The following ARHGAP1 variants were observed in gnomAD, a reference collection of about 807,000 sequenced individuals.
ARHGAP1 encodes Rho GTPase activating protein 1.
ARHGAP1 carries 23 observed loss-of-function variants against 52.2 expected under a neutral mutation model. The ratio of observed to expected loss-of-function variants is 0.44; its 90% CI spans 0.32 to 0.62. The LOEUF (loss-of-function observed/expected upper bound fraction) is 0.62, where lower values mean the gene tolerates loss of function less well. Among genes scored for constraint, ARHGAP1 ranks in the 20% least tolerant of loss-of-function variants. ARHGAP1 has a pLI of 0.05. For synonymous variants in ARHGAP1, 210 were observed against 228.4 expected (o/e 0.92, Z 0.73); for missense variants, 480 against 560.9 (o/e 0.86, Z 1.46).
At chr11:46,691,350 T>C (rs912293384) in intron 3 of ARHGAP1, among the ~76,000 whole-genome samples, 11 of 152,082 alleles carry the variant, frequency 7.2e-5, no homozygotes, top group Non-Finnish European at 4.4e-5. Flanking sequence ...TGTGGAGTGA[T>C]CTGGGCTCAC....
In ARHGAP1 at chr11:46,679,471, A is replaced by G. The variant is rs1041273028; in HGVS notation, c.1028-3T>C. 6.8e-6 allele frequency: 11 copies of G among 1,613,472 alleles called. No individual in the cohort carries two copies. The highest frequency in any genetic ancestry group is 2.2e-5 in the South Asian group (2 of 91,076). On this transcript the variant is annotated splice_region_variant and splice_polypyrimidine_tract_variant and intron_variant, in intron 11 of 12. Coordinates refer to ENST00000311956, the MANE Select transcript of ARHGAP1 (RefSeq NM_004308.5). The surrounding 1 kb of genome is among the most constrained non-coding windows in gnomAD (Gnocchi z 4.4). Reference sequence around the variant, plus strand: ...CACCCTCTGGCTTTCATCAATGTCTATGAGGAAAGGAGGCCCGGGTTATAG... The same window carrying G: ...CACCCTCTGGCTTTCATCAATGTCTGTGAGGAAAGGAGGCCCGGGTTATAG...
In ARHGAP1 at chr11:46,683,037, C is replaced by CTTT. The variant is rs66603634; in HGVS notation, c.318-858_318-856dup. The stretch of plus-strand genomic sequence containing the variant: ...GTGAAGTGTCTAACACCAAAGCCTG[C>CTTT]TTTTTTTTTTTTTTTTTTTTTGAGA... On this transcript the variant is annotated intron_variant, in intron 4 of 12. Coordinates refer to ENST00000311956, the MANE Select transcript of ARHGAP1 (RefSeq NM_004308.5). Among the ~76,000 whole-genome samples the CTTT allele has an allele frequency of 1.1e-3, 124 of 108,688 alleles. 1 individual carries two copies. The highest frequency in any genetic ancestry group is 1.4e-3 in the Non-Finnish European group (82 of 56,966). 71.3% of individuals were successfully genotyped at this position (108,688 alleles called of 152,430 possible).
chr11:46,695,753 C>A lies in ARHGAP1; in HGVS notation c.136G>T (p.Asp46Tyr). Reference protein sequence around the residue: ...DEMPDFPKSDDSKSSSPELVT... With the variant: ...DEMPDFPKSDYSKSSSPELVT... ...AGTTCCGGGGAGCTGCTTTTGGAGT[C>A]ATCTGAGGAACACAGCAGGGTCAGG... The change falls in exon 3 of 13, where the codon GAC becomes TAC. Residue 46 changes from aspartate to tyrosine, a missense_variant and splice_region_variant. Asp to Tyr is a radical substitution (Grantham distance 160). Coordinates refer to ENST00000311956, the MANE Select transcript of ARHGAP1 (RefSeq NM_004308.5). The A allele has an allele frequency of 6.4e-7, 1 of 1,552,552 alleles. No homozygotes were observed. Among genetic ancestry groups the A allele is most frequent in the South Asian group, 1.2e-5 (1 of 84,220 alleles).
chr11:46,696,262 C>G lies in ARHGAP1; in HGVS notation c.-49-106G>C. 1.4e-6 allele frequency: 1 copy of G among 738,916 alleles called. No homozygotes were observed. Among genetic ancestry groups the G allele is most frequent in the East Asian group, 2.7e-5 (1 of 36,576 alleles). The allele number at this position is 738,916 out of a possible 1,614,324, so 45.8% of individuals were successfully genotyped here. On this transcript the variant is annotated intron_variant, in intron 1 of 12. Transcript: ENST00000311956. This position sits in a 1 kb window ranked among gnomAD's most constrained non-coding sequence, Gnocchi z 4.8. ...CCCACCATTCCCTCTCCCAGGCTCCCTGTCCCTATTCCTCAACACTCCTCA... is the reference window on the plus strand; with the variant it reads ...CCCACCATTCCCTCTCCCAGGCTCCGTGTCCCTATTCCTCAACACTCCTCA...
chr11:46,684,239 A>C (rs1450418899), intron 4 of ARHGAP1, among the ~76,000 whole-genome samples: 2 of 152,264 alleles, frequency 1.3e-5, no homozygotes, highest in African/African-American at 4.8e-5. Flanking sequence ...GAGCTGTCGC[A>C]TAAAGAGATT....
At position 46,680,907 on chromosome 11, in the gene ARHGAP1, G is replaced by A. The variant is rs1017394282; in HGVS notation, c.635+104C>T. 37 of 1,176,360 alleles carry A rather than the reference G, an allele frequency of 3.1e-5. No individual in the cohort carries two copies. In the African/African-American group the frequency reaches 3.8e-4, roughly 12 times the overall value. 72.9% of individuals were successfully genotyped at this position (1,176,360 alleles called of 1,614,324 possible). A position where few individuals can be genotyped will look rare whatever the true frequency, so the allele number is the denominator to read the frequency against. ...AGAAAGCAAAGACCTGGGAGAGGTC[G>A]GGACACGGGCTTGCTCTGCCTAAGC... On this transcript the variant is annotated intron_variant, in intron 7 of 12. Transcript: ENST00000311956. This position sits in a 1 kb window ranked among gnomAD's most constrained non-coding sequence, Gnocchi z 5.9.
chr11:46,694,078 G>A (rs889845770), intron 3 of ARHGAP1, among the ~76,000 whole-genome samples: 4 of 152,058 alleles, frequency 2.6e-5, no homozygotes, highest in Non-Finnish European at 4.4e-5. Flanking sequence ...TGAGTGCCTG[G>A]TGATGCCAAT....
In ARHGAP1 at chr11:46,688,220, G is replaced by A. The variant is rs373160179; in HGVS notation, c.270C>T (p.Ala90=). ...GCTGGTGGCTGGGGGGCATTCGACA[G>A]GCACTAAACACAATGATCTTCCGCC... ...KYGRKIIVFS[A]CRMPPSHQLD... The change falls in exon 4 of 13, where the codon GCC becomes GCT. Residue 90 remains alanine, a synonymous_variant. Transcript: ENST00000311956. The A allele has an allele frequency of 1.9e-6, 3 of 1,613,984 alleles. No homozygotes were observed. Among genetic ancestry groups the A allele is most frequent in the African/African-American group, 2.7e-5 (2 of 74,938 alleles).
chr11:46,680,983 G>T lies in ARHGAP1; in HGVS notation c.635+28C>A. The T allele has an allele frequency of 2.5e-6, 4 of 1,601,108 alleles. No homozygotes were observed. Among genetic ancestry groups the T allele is most frequent in the Non-Finnish European group, 3.4e-6 (4 of 1,169,936 alleles). ...CACGTCCTCATTACCCTGGCTTCAC[G>T]AGCCCCCAGCCGCCGCACCCGCCTC... On this transcript the variant is annotated intron_variant, in intron 7 of 12. Transcript: ENST00000311956. The surrounding 1 kb of genome is among the most constrained non-coding windows in gnomAD (Gnocchi z 5.9).
chr11:46,699,698 G>A (rs1236038586), intron 1 of ARHGAP1, among the ~76,000 whole-genome samples: 2 of 149,530 alleles, frequency 1.3e-5, no homozygotes, highest in South Asian at 2.1e-4. Context: ...GTGAGACTCC[G>A]TCTAAAAAAA....
At position 46,679,975 on chromosome 11, in the gene ARHGAP1, G is replaced by A. The variant is rs988633125; in HGVS notation, c.899-199C>T. ...CCGGCCATCTGGGGAAGTGGGGCCCGGCACACCCCACCGTTATTCCTTGCC... is the reference window on the plus strand; with the variant it reads ...CCGGCCATCTGGGGAAGTGGGGCCCAGCACACCCCACCGTTATTCCTTGCC... On this transcript the variant is annotated intron_variant, in intron 10 of 12. Coordinates refer to ENST00000311956, the MANE Select transcript of ARHGAP1 (RefSeq NM_004308.5). The surrounding 1 kb of genome is among the most constrained non-coding windows in gnomAD (Gnocchi z 4.4). 69 of 1,045,144 alleles carry A rather than the reference G, an allele frequency of 6.6e-5. No homozygotes were observed. Among genetic ancestry groups the A allele is most frequent in the South Asian group, 5.6e-4 (35 of 62,032 alleles). The allele number at this position is 1,045,144 out of a possible 1,614,324, so 64.7% of individuals were successfully genotyped here.
chr11:46,693,374 C>G (rs1223498341), intron 3 of ARHGAP1, among the ~76,000 whole-genome samples: 1 of 150,746 alleles, frequency 6.6e-6, no homozygotes, highest in African/African-American at 2.4e-5. Context: ...TGGACTGTGA[C>G]CAGTTTTAAG....
At position 46,681,414 on chromosome 11, in the gene ARHGAP1, G is replaced by C; in HGVS notation, c.450-35C>G. 6.6e-7 allele frequency: 1 copy of C among 1,518,298 alleles called. No individual in the cohort carries two copies. The highest frequency in any genetic ancestry group is 1.7e-5 in the Admixed American group (1 of 59,808). The allele number at this position is 1,518,298 out of a possible 1,614,324, so 94.1% of individuals were successfully genotyped here. A position where few individuals can be genotyped will look rare whatever the true frequency, so the allele number is the denominator to read the frequency against. ...CAGAATGGACAACTCAGGAGCAGGC[G>C]TGGTGGGACAGGTGCCACGCTAGGG... is the stretch of plus-strand genomic sequence containing the variant. On this transcript the variant is annotated intron_variant, in intron 5 of 12. Coordinates refer to ENST00000311956, the MANE Select transcript of ARHGAP1 (RefSeq NM_004308.5). This position sits in a 1 kb window ranked among gnomAD's most constrained non-coding sequence, Gnocchi z 5.7.
intron 1 of ARHGAP1, among the ~76,000 whole-genome samples, chr11:46,698,777 C>T (rs558048580): frequency 6.6e-6 from 1 of 152,154 alleles, no homozygotes; most frequent in East Asian, 1.9e-4. Context: ...ACATAACCTC[C>T]TTTCCCAGCA....
chr11:46,680,214 A>G lies in ARHGAP1; in HGVS notation c.889T>C (p.Tyr297His). The G allele has an allele frequency of 1.2e-6, 2 of 1,614,086 alleles. No individual in the cohort carries two copies. Among genetic ancestry groups the G allele is most frequent in the Non-Finnish European group, 1.7e-6 (2 of 1,180,022 alleles). ...GCCCAGGGCTGCTCACCCATGTTGT[A>G]CTTCTGCTGCACTTCCCGGACCACT... ...TQVVREVQQK[Y>H]NMGLPVDFDQ... Residue 297 changes from tyrosine to histidine, a missense_variant, in exon 10 of 13, where the codon TAC (tyrosine) becomes CAC (histidine). Tyr to His is a moderately conservative substitution (Grantham distance 83, BLOSUM62 2). Transcript: ENST00000311956. This position sits in a 1 kb window ranked among gnomAD's most constrained non-coding sequence, Gnocchi z 5.9.
Position 46,698,467 on chromosome 11 carries a change from G to T in ARHGAP1, c.-50+2084C>A, listed in dbSNP as rs570950495. ...AAGTACAAAAAAAAAAAATAGCCAG[G>T]CATGGTGGTGGGTGCCTGTAATCCC... On this transcript the variant is annotated intron_variant, in intron 1 of 12. Transcript: ENST00000311956. Among the ~76,000 whole-genome samples, 4 of 152,048 alleles carry T rather than the reference G, an allele frequency of 2.6e-5. No individual in the cohort carries two copies. The South Asian group carries it at 8.3e-4, about 32-fold the overall frequency.
intron 4 of ARHGAP1, chr11:46,687,109 T>A (rs2064575620): frequency 6.6e-6 from 1 of 152,288 alleles, no homozygotes; most frequent in Non-Finnish European, 1.5e-5. Flanking sequence ...TGTCACCTGG[T>A]ACATCAGACA....
rs1410621696 is a variant in ARHGAP1 at position 46,682,053 on chromosome 11, G to A, written c.447C>T (p.Arg149=). 6.2e-7 allele frequency: 1 copy of A among 1,614,020 alleles called. No individual in the cohort carries two copies. Among genetic ancestry groups the A allele is most frequent in the Admixed American group, 1.7e-5 (1 of 60,020 alleles). The stretch of plus-strand genomic sequence containing the variant: ...GCAGGCCCCATGCCCCAACCCACTT[G>A]CGGTCAAACTCCCGGTAGGCATCAC... ...WLRDAYREFD[R]KYKKNIKALY... is the part of the protein sequence containing the mutation. The change falls in exon 5 of 13, where the codon CGC becomes CGT. Residue 149 remains arginine, a splice_region_variant and synonymous_variant. Coordinates refer to ENST00000311956, the MANE Select transcript of ARHGAP1 (RefSeq NM_004308.5).
rs1014584299 is a variant in ARHGAP1 at position 46,679,843 on chromosome 11, G to A, written c.899-67C>T. 78 of 1,600,878 alleles carry A rather than the reference G, an allele frequency of 4.9e-5. No individual in the cohort carries two copies. Among genetic ancestry groups the A allele is most frequent in the Middle Eastern group, 2.1e-4 (1 of 4,688 alleles). The stretch of plus-strand genomic sequence containing the variant: ...AGGGCAGCACCCATCTGCAGACAAC[G>A]CGGGCCGCACTGCCTGACTGCCCCT... On this transcript the variant is annotated intron_variant, in intron 10 of 12. Transcript: ENST00000311956. The surrounding 1 kb of genome is among the most constrained non-coding windows in gnomAD (Gnocchi z 4.4).
Sources: gnomAD v4.1 joint callset for allele counts (sites outside exome capture counted in the v4.1 genomes callset) on GRCh38, gnomAD v4.1.1 for gene constraint, Gnocchi (gnomAD v3.1) non-coding constraint, MANE v1.5 for transcripts, NCBI Gene and HGNC (gene_info 2026-07-23, HGNC 2026-07-21) for gene names.